Variants in SPATA31H1 observed in about 807,000 individuals in gnomAD.
SPATA31H1 encodes the protein spermatogenesis-associated protein 31H1.
chr2:27,581,064 C>A, the SPATA31H1 span: 1 of 1,614,134 alleles, frequency 6.2e-7, no homozygotes, highest in Non-Finnish European at 8.5e-7. Flanking sequence ...AACCTCCAGC[C>A]AGGAGTCTAA....
chr2:27,581,198 C>A, the SPATA31H1 span: 1 of 1,614,216 alleles, frequency 6.2e-7, no homozygotes, highest in Non-Finnish European at 8.5e-7. Flanking sequence ...ATAACCACCC[C>A]AGCTTCTATA....
chr2:27,564,978 A>G, the SPATA31H1 span, among the ~76,000 whole-genome samples: 2 of 151,586 alleles, frequency 1.3e-5, no homozygotes, highest in Admixed American at 6.6e-5. Flanking sequence ...ATCTCCCACT[A>G]CTTAGCAAAA....
At chr2:27,581,384 A>G in the SPATA31H1 span, 2 of 1,613,710 alleles carry the variant, frequency 1.2e-6, no homozygotes, top group South Asian at 1.1e-5. Flanking sequence ...CTTCTGAGAG[A>G]AGCTGGCGCA....
the SPATA31H1 span, among the ~76,000 whole-genome samples, chr2:27,549,101 G>A: frequency 1.3e-5 from 2 of 149,876 alleles, no homozygotes; most frequent in African/African-American, 2.5e-5. Flanking sequence ...AAAAAGAAAT[G>A]GGTTATTTGT....
the SPATA31H1 span, chr2:27,574,369 C>G: frequency 2.5e-6 from 1 of 398,294 alleles, no homozygotes; most frequent in Non-Finnish European, 4.4e-6. Context: ...AAACCTAGTC[C>G]AAAGTTACAA....
the SPATA31H1 span, chr2:27,565,552 G>C: frequency 2.1e-5 from 13 of 622,306 alleles, no homozygotes; most frequent in East Asian, 3.6e-4. Context: ...AGATATGTAT[G>C]TATACGGCTC....
the SPATA31H1 span, chr2:27,580,571 T>C: frequency 1.2e-6 from 2 of 1,614,200 alleles, no homozygotes; most frequent in Non-Finnish European, 8.5e-7. Flanking sequence ...CTCAGACAAG[T>C]ACTGCCTCTT....
chr2:27,539,010 G>T, the SPATA31H1 span, among the ~76,000 whole-genome samples: 1 of 151,928 alleles, frequency 6.6e-6, no homozygotes, highest in African/African-American at 2.4e-5. Context: ...GATGTGGAAG[G>T]TGTTGCAAGA....
At chr2:27,573,422 AACT>A in the SPATA31H1 span, 1 of 398,398 alleles carries the variant, frequency 2.5e-6, no homozygotes, top group East Asian at 3.6e-5. Context: ...GAGTTGTCAC[AACT>A]GTAGAATTGA....
At chr2:27,554,580 T>TGTTTTGTTTG in the SPATA31H1 span, among the ~76,000 whole-genome samples, 1 of 151,804 alleles carries the variant, frequency 6.6e-6, no homozygotes, top group Non-Finnish European at 1.5e-5. Context: ...GTTTTTGTTT[T>TGTTTTGTTTG]GTTTTGTTTT....
At chr2:27,567,213 T>C in the SPATA31H1 span, 1 of 627,262 alleles carries the variant, frequency 1.6e-6, no homozygotes, top group Non-Finnish European at 2.9e-6. Flanking sequence ...AAATTCTGTT[T>C]CCAAGGAGAG....
chr2:27,563,973 C>T, the SPATA31H1 span, among the ~76,000 whole-genome samples: 4 of 152,210 alleles, frequency 2.6e-5, no homozygotes, highest in Non-Finnish European at 5.9e-5. Flanking sequence ...TGCCTAGCCT[C>T]CCAAAGTGCT....
the SPATA31H1 span, among the ~76,000 whole-genome samples, chr2:27,555,685 GA>G: frequency 1.3e-5 from 2 of 151,386 alleles, no homozygotes; most frequent in African/African-American, 4.9e-5. Context: ...TCTCTAAAAG[GA>G]AAAAAAATAT....
At chr2:27,565,230 CAT>C in the SPATA31H1 span, 1,958 of 650,724 alleles carry the variant, frequency 3.0e-3, 33 homozygotes, top group African/African-American at 0.032. Context: ...ATATCTGATA[CAT>C]GAGATGTATC....
the SPATA31H1 span, among the ~76,000 whole-genome samples, chr2:27,559,787 T>G: frequency 6.6e-6 from 1 of 152,190 alleles, no homozygotes; most frequent in African/African-American, 2.4e-5. Flanking sequence ...TAAGATTTGA[T>G]TCTGTTTTCA....
chr2:27,556,839 C>T, the SPATA31H1 span, among the ~76,000 whole-genome samples: 3 of 113,528 alleles, frequency 2.6e-5, no homozygotes, highest in African/African-American at 1.1e-4. Flanking sequence ...TTTTCCTAGG[C>T]AGAGGACCCT....
the SPATA31H1 span, among the ~76,000 whole-genome samples, chr2:27,555,136 A>G: frequency 1.5e-4 from 23 of 151,992 alleles, no homozygotes; most frequent in Non-Finnish European, 2.2e-4. Context: ...TTCTGCATCA[A>G]TTTATAGGAT....
chr2:27,581,578 G>A, the SPATA31H1 span: 1 of 1,464,124 alleles, frequency 6.8e-7, no homozygotes, highest in Non-Finnish European at 9.2e-7. Flanking sequence ...TCTGAGAGAA[G>A]ACATCGCAGT....
the SPATA31H1 span, among the ~76,000 whole-genome samples, chr2:27,562,801 C>T: frequency 9.9e-5 from 15 of 150,876 alleles, no homozygotes; most frequent in African/African-American, 3.4e-4. Context: ...GCAGGAGAAT[C>T]GCTTGAACCT....
Sources: gnomAD v4.1 joint callset for allele counts (sites outside exome capture counted in the v4.1 genomes callset) on GRCh38, gnomAD v4.1.1 for gene constraint, MANE v1.5 for transcripts, NCBI Gene and HGNC (gene_info 2026-07-23, HGNC 2026-07-21) for gene names.